Variants in IPCEF1 observed in about 807,000 individuals in gnomAD.
The protein encoded by IPCEF1 is interactor protein for cytohesin exchange factors 1.
A neutral mutation model predicts 50.9 loss-of-function variants in IPCEF1; 31 were observed. The ratio of observed to expected loss-of-function variants is 0.61; its 90% confidence interval spans 0.46 to 0.82. The LOEUF (loss-of-function observed/expected upper bound fraction) is 0.82, where lower values mean the gene tolerates loss of function less well. Among genes scored for constraint, IPCEF1 ranks in the 40% least tolerant of loss-of-function variants. The probability of loss-of-function intolerance (pLI) is 0.00; values close to 1 mark genes in which losing one functional copy is unlikely to be tolerated. For missense variants in IPCEF1, 458 were observed against 514.0 expected, an observed-to-expected ratio of 0.89 and a Z score of 1.05; for synonymous variants, 181 against 192.0, an observed-to-expected ratio of 0.94 and a Z score of 0.47.
At chr6:154,348,393 T>C (rs954265025) in intron 1 of IPCEF1, among the ~76,000 whole-genome samples, 1 of 152,184 alleles carries the variant, frequency 6.6e-6, no homozygotes, top group Admixed American at 6.5e-5. Flanking sequence ...TTCAGGCACT[T>C]CTCTTTGATA....
intron 3 of IPCEF1, among the ~76,000 whole-genome samples, chr6:154,255,471 G>A (rs1781438244): frequency 6.6e-6 from 1 of 152,124 alleles, no homozygotes; most frequent in Non-Finnish European, 1.5e-5. Context: ...CATCATCCTT[G>A]ATATACTGTA....
At position 154,236,447 on chromosome 6, in the gene IPCEF1, C is replaced by T. The variant is rs185036510; in HGVS notation, c.246+10144G>A. 3.1e-3 allele frequency among the ~76,000 whole-genome samples: 470 copies of T among 152,070 alleles called. 8 individuals carry two copies. Among genetic ancestry groups the T allele is most frequent in the East Asian group, 1.4e-3 (7 of 5,174 alleles). On this transcript the variant is annotated intron_variant, in intron 5 of 11. Coordinates refer to ENST00000367220, the MANE Select transcript of IPCEF1 (RefSeq NM_001130700.2). Reference sequence around the variant, plus strand: ...GGTACAGAGTCTCAGTTTTGCAAGACGAAAAGAGTTCTGGAGATGGATGAT... The same window carrying T: ...GGTACAGAGTCTCAGTTTTGCAAGATGAAAAGAGTTCTGGAGATGGATGAT...
At chr6:154,244,025 G>T (rs1198570393) in intron 5 of IPCEF1, among the ~76,000 whole-genome samples, 1 of 152,230 alleles carries the variant, frequency 6.6e-6, no homozygotes, top group Admixed American at 6.5e-5. Context: ...CTGAGGAAGT[G>T]TAGGGACGGG....
chr6:154,292,865 T>G (rs891873376), intron 1 of IPCEF1, among the ~76,000 whole-genome samples: 2 of 152,208 alleles, frequency 1.3e-5, no homozygotes, highest in Admixed American at 6.5e-5. Context: ...TCAAAGTGAT[T>G]GGCTTTTCTT....
chr6:154,288,703 A>AAAAAAAAAAAAAC, intron 2 of IPCEF1, among the ~76,000 whole-genome samples: 1 of 145,650 alleles, frequency 6.9e-6, no homozygotes, highest in South Asian at 2.2e-4. Flanking sequence ...AAAAAAAAAA[A>AAAAAAAAAAAAAC]AACTGTAAAA....
chr6:154,242,207 A>T (rs572877449), intron 5 of IPCEF1, among the ~76,000 whole-genome samples: 1 of 152,310 alleles, frequency 6.6e-6, no homozygotes, highest in Non-Finnish European at 1.5e-5. Flanking sequence ...CAAAGATCCT[A>T]ATAATGTGTT....
intron 1 of IPCEF1, among the ~76,000 whole-genome samples, chr6:154,308,894 A>AGTATTAATTAAAATAAATT: frequency 6.6e-6 from 1 of 152,368 alleles, no homozygotes; most frequent in South Asian, 2.1e-4. Flanking sequence ...TAGATGCGAT[A>AGTATTAATTAAAATAAATT]AGGTGTGACA....
At chr6:154,321,733 T>C (rs1011217310) in intron 1 of IPCEF1, among the ~76,000 whole-genome samples, 3 of 131,636 alleles carry the variant, frequency 2.3e-5, no homozygotes, top group Non-Finnish European at 4.6e-5. Context: ...TGAGCCAAGA[T>C]CGCACCATTG....
At chr6:154,283,026 C>A (rs1340558491) in intron 2 of IPCEF1, among the ~76,000 whole-genome samples, 1 of 151,960 alleles carries the variant, frequency 6.6e-6, no homozygotes, top group Non-Finnish European at 1.5e-5. Context: ...AGGGCAGGAA[C>A]CTCATTCCTG....
rs900280015 is a variant in IPCEF1 at position 154,340,273 on chromosome 6, C to T, written c.-62+16399G>A. On this transcript the variant is annotated intron_variant, in intron 1 of 11. Coordinates refer to ENST00000367220, the MANE Select transcript of IPCEF1 (RefSeq NM_001130700.2). ...ATTATTATTATTATTATTTTTGAGA[C>T]GGAGTCTTGCTCTGTCGCCCAGGCT... Among the ~76,000 whole-genome samples, 177 of 151,808 alleles carry T rather than the reference C, an allele frequency of 1.2e-3. 4 individuals carry two copies. The highest frequency in any genetic ancestry group is 5.5e-3 in the Admixed American group (84 of 15,250).
At chr6:154,219,817 A>C (rs1778707630) in intron 7 of IPCEF1, among the ~76,000 whole-genome samples, 1 of 152,180 alleles carries the variant, frequency 6.6e-6, no homozygotes, top group South Asian at 2.1e-4. Context: ...TTTGTTTGGA[A>C]GACTCAACTG....
At chr6:154,299,267 T>C (rs561700510) in intron 1 of IPCEF1, among the ~76,000 whole-genome samples, 1 of 140,942 alleles carries the variant, frequency 7.1e-6, no homozygotes, top group South Asian at 2.2e-4. Flanking sequence ...CAGGGGACAA[T>C]TGCTGAGAGC....
chr6:154,201,711 A>G (rs1340342543), intron 9 of IPCEF1, among the ~76,000 whole-genome samples: 2 of 152,228 alleles, frequency 1.3e-5, no homozygotes, highest in African/African-American at 4.8e-5. Flanking sequence ...CCTGGCCAAC[A>G]TGGCGAAACC....
intron 1 of IPCEF1, chr6:154,306,640 G>A (rs905686159): frequency 1.4e-4 from 21 of 152,386 alleles, no homozygotes; most frequent in African/African-American, 4.3e-4. Context: ...CCCTAGGAAA[G>A]AGCACACACA....
intron 2 of IPCEF1, among the ~76,000 whole-genome samples, chr6:154,285,762 T>C (rs916146250): frequency 3.3e-5 from 5 of 152,190 alleles, no homozygotes; most frequent in Non-Finnish European, 7.3e-5. Flanking sequence ...ACACAGAGTT[T>C]ATTTTAAAAT....
intron 10 of IPCEF1, among the ~76,000 whole-genome samples, chr6:154,196,176 T>C (rs1229548875): frequency 6.6e-6 from 1 of 152,148 alleles, no homozygotes; most frequent in East Asian, 1.9e-4. Context: ...ATACACAATA[T>C]AATAATGCAA....
intron 2 of IPCEF1, among the ~76,000 whole-genome samples, chr6:154,288,885 G>A (rs1219293619): frequency 3.9e-5 from 6 of 151,900 alleles, no homozygotes; most frequent in African/African-American, 9.7e-5. Flanking sequence ...GCAACATAAC[G>A]AGACCCCCTC....
At chr6:154,248,257 A>G (rs956549845) in intron 3 of IPCEF1, among the ~76,000 whole-genome samples, 11 of 148,154 alleles carry the variant, frequency 7.4e-5, no homozygotes, top group Admixed American at 5.3e-4. Context: ...ACAAACATAC[A>G]ATCAGACTAT....
chr6:154,331,056 C>A (rs765958601), intron 1 of IPCEF1, among the ~76,000 whole-genome samples: 1 of 152,062 alleles, frequency 6.6e-6, no homozygotes, highest in Non-Finnish European at 1.5e-5. Flanking sequence ...CACTTGAGAT[C>A]AGGAGTTTGA....
Sources: gnomAD v4.1 joint callset for allele counts (sites outside exome capture counted in the v4.1 genomes callset) on GRCh38, gnomAD v4.1.1 for gene constraint, MANE v1.5 for transcripts, NCBI Gene and HGNC (gene_info 2026-07-23, HGNC 2026-07-21) for gene names.